The following MSRB3 variants were observed in gnomAD, a reference collection of about 807,000 sequenced individuals.
MSRB3 encodes the protein methionine sulfoxide reductase B3, also known as methionine-R-sulfoxide reductase B3.
A neutral mutation model predicts 21.0 loss-of-function variants in MSRB3; 13 were observed. The observed-to-expected ratio is 0.62, with a 90% CI of 0.40 to 0.98. MSRB3 has a LOEUF of 0.98. MSRB3 is among the 50% of genes least tolerant of loss of function. The pLI is 0.00. For synonymous variants in MSRB3, 87 were observed against 88.6 expected, an observed-to-expected ratio of 0.98 and a Z score of 0.10; for missense variants, 199 against 230.3, an observed-to-expected ratio of 0.86 and a Z score of 0.88.
At chr12:65,352,925 A>G (rs1252045401) in intron 4 of MSRB3, among the ~76,000 whole-genome samples, 1 of 151,960 alleles carries the variant, frequency 6.6e-6, no homozygotes, top group East Asian at 1.9e-4. Flanking sequence ...ATCCCCATAA[A>G]GCTACCAATG....
At chr12:65,398,835 T>G (rs1879957796) in intron 5 of MSRB3, among the ~76,000 whole-genome samples, 1 of 152,188 alleles carries the variant, frequency 6.6e-6, no homozygotes, top group African/African-American at 2.4e-5. Flanking sequence ...GGCTACCCAG[T>G]TTTCCCAACA....
intron 1 of MSRB3, among the ~76,000 whole-genome samples, chr12:65,299,682 A>T (rs1489604066): frequency 6.6e-6 from 1 of 152,196 alleles, no homozygotes; most frequent in Non-Finnish European, 1.5e-5. Context: ...TCTAGGGGTC[A>T]GTTAGCGTTT....
At chr12:65,379,890 A>G (rs1490323438) in intron 5 of MSRB3, among the ~76,000 whole-genome samples, 4 of 152,232 alleles carry the variant, frequency 2.6e-5, no homozygotes, top group Non-Finnish European at 4.4e-5. Flanking sequence ...CAGTCAGTCA[A>G]TTTGCATGTG....
At chr12:65,409,683 A>G (rs1880614797) in intron 5 of MSRB3, among the ~76,000 whole-genome samples, 1 of 152,178 alleles carries the variant, frequency 6.6e-6, no homozygotes, top group African/African-American at 2.4e-5. Flanking sequence ...AAAATACCTC[A>G]TCCATCTATA....
intron 5 of MSRB3, among the ~76,000 whole-genome samples, chr12:65,380,761 CA>C (rs1402736283): frequency 6.6e-6 from 1 of 151,968 alleles, no homozygotes; most frequent in East Asian, 1.9e-4. Flanking sequence ...ATGAATAGAC[CA>C]AAGCACAGGA....
intron 4 of MSRB3, among the ~76,000 whole-genome samples, chr12:65,358,209 A>G (rs921634062): frequency 6.6e-6 from 1 of 151,758 alleles, no homozygotes; most frequent in African/African-American, 2.4e-5. Flanking sequence ...CCTCAAACTC[A>G]TGGGCTATAG....
chr12:65,380,933 C>T lies in MSRB3; in HGVS notation c.292+11907C>T, dbSNP rs138367460. Among the ~76,000 whole-genome samples the T allele has an allele frequency of 8.4e-3, 1,281 of 152,262 alleles. 21 individuals carry two copies. Among genetic ancestry groups the T allele is most frequent in the African/African-American group, 0.03 (1,229 of 41,546 alleles). ...TGTTTTATGCTTTTTTAGTCATACA[C>T]CCTATTCCCACATGACATACTTGCT... On this transcript the variant is annotated intron_variant, in intron 5 of 6. Coordinates refer to ENST00000308259, the MANE Select transcript of MSRB3 (RefSeq NM_001031679.3).
intron 1 of MSRB3, among the ~76,000 whole-genome samples, chr12:65,292,013 G>C (rs1204574965): frequency 6.6e-6 from 1 of 152,198 alleles, no homozygotes; most frequent in African/African-American, 2.4e-5. Context: ...ATTGATAATG[G>C]TTTGGACCAC....
At chr12:65,381,698 AT>A (rs1268089658) in intron 5 of MSRB3, among the ~76,000 whole-genome samples, 5 of 151,974 alleles carry the variant, frequency 3.3e-5, no homozygotes, top group African/African-American at 1.2e-4. Flanking sequence ...GGTTCTTTTG[AT>A]TTTTCATTAA....
intron 5 of MSRB3, among the ~76,000 whole-genome samples, chr12:65,433,577 C>T (rs1424685691): frequency 6.6e-6 from 1 of 151,826 alleles, no homozygotes; most frequent in African/African-American, 2.4e-5. Context: ...GGAATTATCA[C>T]TCTGGCCTTT....
chr12:65,449,326 T>G (rs931705754), intron 5 of MSRB3, among the ~76,000 whole-genome samples: 2 of 151,978 alleles, frequency 1.3e-5, no homozygotes, highest in Non-Finnish European at 2.9e-5. Context: ...GTCAGGACTC[T>G]AAGTTTCAAA....
At chr12:65,392,010 C>G (rs1301993082) in intron 5 of MSRB3, among the ~76,000 whole-genome samples, 6 of 152,146 alleles carry the variant, frequency 3.9e-5, no homozygotes, top group African/African-American at 1.4e-4. Flanking sequence ...TTACGTGCAC[C>G]TGGAATTGTT....
chr12:65,404,041 T>C (rs565315328), intron 5 of MSRB3, among the ~76,000 whole-genome samples: 2 of 152,332 alleles, frequency 1.3e-5, no homozygotes, highest in South Asian at 4.1e-4. Context: ...ACCGGAGCTG[T>C]TCCTATTTGA....
chr12:65,299,355 A>G lies in MSRB3; in HGVS notation c.-51-9174A>G, dbSNP rs148727663. Among the ~76,000 whole-genome samples, 65 of 152,288 alleles carry G rather than the reference A, an allele frequency of 4.3e-4. 1 individual carries two copies. In the East Asian group the frequency reaches 0.012, roughly 28 times the overall value. On this transcript the variant is annotated intron_variant, in intron 1 of 6. Coordinates refer to ENST00000308259, the MANE Select transcript of MSRB3 (RefSeq NM_001031679.3). ...AAGTTTCCCTTTCATATACTAGTCC[A>G]AGGTTGGGCTGGTGAATAGCTCTGC...
At chr12:65,429,838 C>T (rs997818794) in intron 5 of MSRB3, among the ~76,000 whole-genome samples, 1 of 152,154 alleles carries the variant, frequency 6.6e-6, no homozygotes, top group Non-Finnish European at 1.5e-5. Flanking sequence ...ATACAGACCT[C>T]TAAGTAAAGC....
chr12:65,354,919 G>C (rs1420257894), intron 4 of MSRB3, among the ~76,000 whole-genome samples: 2 of 151,756 alleles, frequency 1.3e-5, no homozygotes, highest in African/African-American at 2.4e-5. Context: ...AGAAAACGTA[G>C]TCATTATAGT....
chr12:65,418,743 G>A, intron 5 of MSRB3: 1 of 916,962 alleles, frequency 1.1e-6, no homozygotes, highest in Non-Finnish European at 1.8e-6. Context: ...GAACTTTGGT[G>A]TCATTGATCT....
At chr12:65,380,085 ATTAC>A (rs1398837464) in intron 5 of MSRB3, among the ~76,000 whole-genome samples, 2 of 152,238 alleles carry the variant, frequency 1.3e-5, no homozygotes, top group African/African-American at 4.8e-5. Flanking sequence ...GAAGACATGA[ATTAC>A]TTTAGAGTAT....
chr12:65,448,619 C>T (rs1220508608), intron 5 of MSRB3, among the ~76,000 whole-genome samples: 3 of 151,972 alleles, frequency 2.0e-5, no homozygotes. Flanking sequence ...CTAATATGGT[C>T]GCCATTAGCT....
Sources: allele counts gnomAD v4.1 joint callset (sites outside exome capture counted in the v4.1 genomes callset), GRCh38; gene constraint gnomAD v4.1.1; transcripts MANE v1.5; gene names NCBI Gene and HGNC (gene_info 2026-07-23, HGNC 2026-07-21).